CD86: variants seen among roughly 807,000 people sequenced by gnomAD.
CD86 encodes CD86 molecule.
In CD86, 11 loss-of-function variants were observed where a neutral mutation model predicts 32.1. The ratio of observed to expected loss-of-function variants is 0.34; its 90% CI spans 0.22 to 0.57. The LOEUF is 0.57. Among genes scored for constraint, CD86 ranks in the 20% least tolerant of loss-of-function variants. The pLI is 0.86. For synonymous variants in CD86, 137 were observed against 135.3 expected (o/e 1.01, Z -0.09); for missense variants, 359 against 398.4 (o/e 0.90, Z 0.84).
intron 2 of CD86, among the ~76,000 whole-genome samples, chr3:122,095,122 T>C (rs995989610): frequency 1.3e-5 from 2 of 152,128 alleles, no homozygotes; most frequent in Non-Finnish European, 2.9e-5. Context: ...ACACCTCTAG[T>C]TAATTTCATG....
At chr3:122,083,681 G>T (rs2107519274) in intron 1 of CD86, among the ~76,000 whole-genome samples, 1 of 152,252 alleles carries the variant, frequency 6.6e-6, no homozygotes. Context: ...GCTGATGGAT[G>T]GGCTGATCTG....
chr3:122,096,420 T>C (rs2072909100), intron 2 of CD86, among the ~76,000 whole-genome samples: 1 of 152,164 alleles, frequency 6.6e-6, no homozygotes, highest in Non-Finnish European at 1.5e-5. Flanking sequence ...AATATCTTTT[T>C]AAGTATCCTA....
intron 1 of CD86, among the ~76,000 whole-genome samples, chr3:122,082,712 C>T (rs1183196089): frequency 3.3e-5 from 5 of 152,190 alleles, no homozygotes; most frequent in Admixed American, 3.3e-4. Flanking sequence ...AGTACAGATT[C>T]TTACACTTAC....
chr3:122,109,041 G>A (rs2073134124), intron 4 of CD86, among the ~76,000 whole-genome samples: 1 of 152,158 alleles, frequency 6.6e-6, no homozygotes, highest in Non-Finnish European at 1.5e-5. Context: ...ATGAAGGCAT[G>A]GCAGCTCAGT....
At chr3:122,061,424 T>G (rs2072333576) in intron 1 of CD86, among the ~76,000 whole-genome samples, 1 of 152,030 alleles carries the variant, frequency 6.6e-6, no homozygotes, top group Non-Finnish European at 1.5e-5. Context: ...TAAAAAGAAA[T>G]AAACATGACA....
chr3:122,118,972 A>G (rs2073300328), intron 6 of CD86, among the ~76,000 whole-genome samples: 1 of 152,158 alleles, frequency 6.6e-6, no homozygotes, highest in Non-Finnish European at 1.5e-5. Flanking sequence ...GATCAAAGCA[A>G]CCCTCAGTCA....
chr3:122,098,798 GT>G (rs2072949935), intron 2 of CD86, among the ~76,000 whole-genome samples: 1 of 151,972 alleles, frequency 6.6e-6, no homozygotes, highest in Admixed American at 6.6e-5. Context: ...TAGAGCCTCT[GT>G]TGGGTATTTT....
chr3:122,104,140 A>G (rs905428049), intron 3 of CD86, among the ~76,000 whole-genome samples: 17 of 152,236 alleles, frequency 1.1e-4, no homozygotes, highest in African/African-American at 3.9e-4. Context: ...CTAATTACCT[A>G]TAGTAAAAAC....
At chr3:122,064,098 C>T (rs1334951969) in intron 1 of CD86, among the ~76,000 whole-genome samples, 3 of 152,204 alleles carry the variant, frequency 2.0e-5, no homozygotes, top group Non-Finnish European at 2.9e-5. Flanking sequence ...TGTCTTTTCA[C>T]AGGCAGCTTT....
At chr3:122,096,779 T>C (rs954415382) in intron 2 of CD86, among the ~76,000 whole-genome samples, 1 of 152,252 alleles carries the variant, frequency 6.6e-6, no homozygotes, top group Non-Finnish European at 1.5e-5. Flanking sequence ...CTATTAGTTA[T>C]AATAGTGTAC....
chr3:122,117,916 A>T (rs2073278733), intron 5 of CD86, 132 bp from the exon 6 acceptor site: 2 of 708,642 alleles, frequency 2.8e-6, no homozygotes, highest in Non-Finnish European at 5.0e-6. Flanking sequence ...TCATTTGAGT[A>T]ACTATCTCTT....
At chr3:122,065,323 T>G (rs1290143711) in intron 1 of CD86, among the ~76,000 whole-genome samples, 1 of 152,086 alleles carries the variant, frequency 6.6e-6, no homozygotes, top group Non-Finnish European at 1.5e-5. Flanking sequence ...ACGATAAAGG[T>G]AAAAGCCAGA....
intron 2 of CD86, among the ~76,000 whole-genome samples, chr3:122,098,491 G>A (rs939025758): frequency 3.9e-5 from 6 of 152,160 alleles, no homozygotes; most frequent in Non-Finnish European, 7.3e-5. Flanking sequence ...CCAATTACAT[G>A]AGGTCTTGTA....
At chr3:122,084,538 C>T (rs913357863) in intron 1 of CD86, among the ~76,000 whole-genome samples, 9 of 152,178 alleles carry the variant, frequency 5.9e-5, no homozygotes, top group Non-Finnish European at 1.3e-4. Flanking sequence ...TTTGCTGACC[C>T]CTGATCTAGA....
At chr3:122,100,640 C>A (rs2072985118) in intron 2 of CD86, among the ~76,000 whole-genome samples, 1 of 152,142 alleles carries the variant, frequency 6.6e-6, no homozygotes, top group Non-Finnish European at 1.5e-5. Context: ...ATAAGGCTAG[C>A]AAATTACAGT....
At position 122,062,559 on chromosome 3, in the gene CD86, C is replaced by T. The variant is rs369611580; in HGVS notation, c.14+7056C>T. On this transcript the variant is annotated intron_variant, in intron 1 of 6. Transcript: ENST00000330540. ...AAGAGTTTTTTATAACAGGGTGTGA[C>T]GTTTCATAGGAGCATGAAGGTAGCT... is the stretch of plus-strand genomic sequence containing the variant. Among the ~76,000 whole-genome samples, 16 of 152,142 alleles carry T rather than the reference C, an allele frequency of 1.1e-4. 1 individual carries two copies. The highest frequency in any genetic ancestry group is 3.6e-4 in the African/African-American group (15 of 41,490).
chr3:122,082,002 C>T (rs1424322726), intron 1 of CD86, among the ~76,000 whole-genome samples: 1 of 152,158 alleles, frequency 6.6e-6, no homozygotes, highest in Non-Finnish European at 1.5e-5. Context: ...AGGGTGAGAG[C>T]GATGGAGTGT....
intron 1 of CD86, among the ~76,000 whole-genome samples, chr3:122,061,320 T>C (rs2072331469): frequency 6.6e-6 from 1 of 152,200 alleles, no homozygotes; most frequent in Non-Finnish European, 1.5e-5. Context: ...ACAAATGAAA[T>C]TGCTGATACT....
At chr3:122,066,901 A>G (rs773302291) in intron 1 of CD86, among the ~76,000 whole-genome samples, 3 of 152,164 alleles carry the variant, frequency 2.0e-5, no homozygotes, top group Non-Finnish European at 4.4e-5. Flanking sequence ...TAAGGAAGAT[A>G]AAGATATGGT....
Sources: gnomAD v4.1 joint callset for allele counts (sites outside exome capture counted in the v4.1 genomes callset) on GRCh38, gnomAD v4.1.1 for gene constraint, MANE v1.5 for transcripts, NCBI Gene and HGNC (gene_info 2026-07-23, HGNC 2026-07-21) for gene names.